Variants in MARCHF1 observed in about 807,000 individuals in gnomAD.
MARCHF1 encodes E3 ubiquitin-protein ligase MARCHF1.
In MARCHF1, 40 loss-of-function variants were observed where a neutral mutation model predicts 54.2. The observed-to-expected ratio is 0.74, with a 90% CI of 0.57 to 0.96. The LOEUF is 0.96. Ranked by LOEUF, MARCHF1 falls within the 40% of genes least tolerant of loss-of-function variation. The pLI is 0.00. For missense variants in MARCHF1, 586 were observed against 656.5 expected (o/e 0.89, Z 1.17); for synonymous variants, 236 against 236.3 (o/e 1.00, Z 0.01).
intron 4 of MARCHF1, among the ~76,000 whole-genome samples, chr4:163,706,771 G>A (rs1336098142): frequency 4.0e-5 from 6 of 151,810 alleles, no homozygotes; most frequent in East Asian, 3.9e-4. Flanking sequence ...AAAAAACAAT[G>A]TTCTTAAAGA....
At chr4:164,302,493 G>T (rs1734587677) in intron 1 of MARCHF1, among the ~76,000 whole-genome samples, 1 of 152,066 alleles carries the variant, frequency 6.6e-6, no homozygotes, top group Non-Finnish European at 1.5e-5. Flanking sequence ...ATGACTAAAA[G>T]GTTGAGAAAG....
At chr4:164,342,706 A>G (rs1352943467) in intron 1 of MARCHF1, among the ~76,000 whole-genome samples, 2 of 152,038 alleles carry the variant, frequency 1.3e-5, no homozygotes, top group Admixed American at 6.6e-5. Context: ...AAGATATGGG[A>G]AAAAAACAAA....
At chr4:163,619,914 T>C (rs1436814288) in intron 5 of MARCHF1, among the ~76,000 whole-genome samples, 1 of 151,968 alleles carries the variant, frequency 6.6e-6, no homozygotes, top group African/African-American at 2.4e-5. Context: ...ATCTAAAAAA[T>C]AAAAACTTCT....
chr4:163,689,923 G>T (rs1297121974), intron 5 of MARCHF1, among the ~76,000 whole-genome samples: 1 of 152,148 alleles, frequency 6.6e-6, no homozygotes, highest in South Asian at 2.1e-4. Flanking sequence ...TATATGTCAA[G>T]ATTGCCCCTG....
chr4:163,972,528 T>C (rs1752566326), intron 3 of MARCHF1, among the ~76,000 whole-genome samples: 1 of 152,164 alleles, frequency 6.6e-6, no homozygotes, highest in South Asian at 2.1e-4. Context: ...TAAAAAGTCT[T>C]AATGTATATG....
intron 3 of MARCHF1, among the ~76,000 whole-genome samples, chr4:163,941,139 G>A (rs1452139028): frequency 6.6e-6 from 1 of 151,922 alleles, no homozygotes; most frequent in Non-Finnish European, 1.5e-5. Context: ...AGGGTAACTT[G>A]TTTTTTTCTG....
chr4:163,972,609 C>T (rs770526296), intron 3 of MARCHF1, among the ~76,000 whole-genome samples: 17 of 152,154 alleles, frequency 1.1e-4, no homozygotes, highest in African/African-American at 2.6e-4. Flanking sequence ...TGCAGTGGCG[C>T]GATCTCAGCT....
At chr4:164,072,590 G>T (rs1754891201) in intron 2 of MARCHF1, among the ~76,000 whole-genome samples, 1 of 150,090 alleles carries the variant, frequency 6.7e-6, no homozygotes, top group South Asian at 2.1e-4. Context: ...AATAAAAATA[G>T]AAACAGATAA....
chr4:163,592,651 A>G (rs1187008917), intron 7 of MARCHF1, among the ~76,000 whole-genome samples: 1 of 152,116 alleles, frequency 6.6e-6, no homozygotes, highest in Non-Finnish European at 1.5e-5. Context: ...GAATTCTGCA[A>G]TGGATTGGGA....
chr4:164,307,107 G>C lies in MARCHF1; in HGVS notation c.-323+76763C>G, dbSNP rs142656432. On this transcript the variant is annotated intron_variant, in intron 1 of 9. Coordinates refer to ENST00000514618, the MANE Select transcript of MARCHF1 (RefSeq NM_001394959.1). ...AAGATCTAAGATTGGGGGAACACAG[G>C]AGATGCAGAAACTACACTTCCTTGC... 7.9e-5 allele frequency among the ~76,000 whole-genome samples: 12 copies of C among 152,170 alleles called. No homozygotes were observed. The East Asian group carries it at 2.3e-3, about 29-fold the overall frequency.
rs1354659894 is a variant in MARCHF1, at chr4:164,176,970, CTCTCTCTCT to C, written c.-322-65317_-322-65309del. 2.1e-3 allele frequency among the ~76,000 whole-genome samples: 122 copies of C among 57,406 alleles called. 11 individuals carry two copies. The highest frequency in any genetic ancestry group is 7.4e-3 in the Middle Eastern group (1 of 136). The allele number at this position is 57,406 out of a possible 152,430, so 37.7% of individuals were successfully genotyped here. On this transcript the variant is annotated intron_variant, in intron 1 of 9. Coordinates refer to ENST00000514618, the MANE Select transcript of MARCHF1 (RefSeq NM_001394959.1). ...TCTCTCTCTCTCTCTCTCTCTCTCT[CTCTCTCTCT>C]CTATATATATATATATATATATATA...
chr4:164,229,021 G>A (rs1560963705), intron 1 of MARCHF1, among the ~76,000 whole-genome samples: 2 of 152,084 alleles, frequency 1.3e-5, no homozygotes, highest in East Asian at 1.9e-4. Context: ...AGCGAAAATT[G>A]GATGTTAAAA....
intron 4 of MARCHF1, among the ~76,000 whole-genome samples, chr4:163,713,526 T>G (rs1745169153): frequency 6.6e-6 from 1 of 152,144 alleles, no homozygotes; most frequent in Non-Finnish European, 1.5e-5. Flanking sequence ...GCATGGAACA[T>G]AATGTGCTAC....
intron 7 of MARCHF1, among the ~76,000 whole-genome samples, chr4:163,597,548 T>C (rs1241810783): frequency 2.0e-5 from 3 of 152,200 alleles, no homozygotes; most frequent in Admixed American, 6.5e-5. Flanking sequence ...AAAATCTAAA[T>C]AGTGATTATT....
intron 2 of MARCHF1, among the ~76,000 whole-genome samples, chr4:164,014,395 T>C (rs950297975): frequency 2.0e-5 from 3 of 152,014 alleles, no homozygotes; most frequent in Non-Finnish European, 2.9e-5. Context: ...CAAAAACTTA[T>C]AATAGATACA....
chr4:164,142,400 C>A (rs944033076), intron 1 of MARCHF1, among the ~76,000 whole-genome samples: 2 of 152,148 alleles, frequency 1.3e-5, no homozygotes, highest in East Asian at 1.9e-4. Context: ...CAGCAGTAAC[C>A]TCTGCAGACT....
Position 164,137,055 on chromosome 4 carries a change from A to G in MARCHF1, c.-322-25393T>C, listed in dbSNP as rs189463299. 3.3e-5 allele frequency among the ~76,000 whole-genome samples: 5 copies of G among 152,300 alleles called. No homozygotes were observed. The East Asian group carries it at 9.7e-4, about 29-fold the overall frequency. On this transcript the variant is annotated intron_variant, in intron 1 of 9. Transcript: ENST00000514618. Reference sequence around the variant, plus strand: ...TTGAAAGAAACGAATTGTCTAAACAATTTGTTCATATCTAAAGGGAAAAAA... The same window carrying G: ...TTGAAAGAAACGAATTGTCTAAACAGTTTGTTCATATCTAAAGGGAAAAAA...
chr4:164,365,204 C>T (rs1730843753), intron 1 of MARCHF1, among the ~76,000 whole-genome samples: 1 of 151,858 alleles, frequency 6.6e-6, no homozygotes, highest in South Asian at 2.1e-4. Context: ...CTTAGAAATA[C>T]TTACATGAGA....
chr4:163,904,524 G>T (rs543265778), intron 3 of MARCHF1, among the ~76,000 whole-genome samples: 2 of 152,238 alleles, frequency 1.3e-5, no homozygotes, highest in Non-Finnish European at 2.9e-5. Context: ...CATCAGGAAG[G>T]TCTAACCAGA....
Sources: gnomAD v4.1 joint callset for allele counts (sites outside exome capture counted in the v4.1 genomes callset) on GRCh38, gnomAD v4.1.1 for gene constraint, MANE v1.5 for transcripts, NCBI Gene and HGNC (gene_info 2026-07-23, HGNC 2026-07-21) for gene names.